Variants in TRIM2 observed in about 807,000 individuals in gnomAD.
TRIM2 encodes the protein tripartite motif containing 2.
Under a neutral mutation model 75.2 loss-of-function variants are expected in TRIM2, and 20 were observed. The observed-to-expected ratio is 0.27, with a 90% CI of 0.19 to 0.39. TRIM2 has a LOEUF of 0.39. TRIM2 is among the 10% of genes least tolerant of loss of function. The pLI is 1.00. For synonymous variants in TRIM2, 373 were observed against 388.3 expected (o/e 0.96, Z 0.46); for missense variants, 660 against 990.8 (o/e 0.67, Z 4.48).
chr4:153,250,781 G>A (rs1445797250), intron 1 of TRIM2, among the ~76,000 whole-genome samples: 2 of 152,218 alleles, frequency 1.3e-5, no homozygotes, highest in African/African-American at 4.8e-5. Context: ...AGTCAGGGGT[G>A]CTTGACCTGG....
At chr4:153,207,101 C>T (rs759213586) in intron 1 of TRIM2, among the ~76,000 whole-genome samples, 1 of 152,236 alleles carries the variant, frequency 6.6e-6, no homozygotes, top group South Asian at 2.1e-4. Flanking sequence ...AGAGACAAGA[C>T]CAAATATATA....
At chr4:153,165,202 C>G (rs1017265913) in intron 1 of TRIM2, among the ~76,000 whole-genome samples, 7 of 152,166 alleles carry the variant, frequency 4.6e-5, no homozygotes, top group Admixed American at 2.6e-4. Flanking sequence ...ACATTAGATT[C>G]TCTTTTCCTA....
intron 1 of TRIM2, among the ~76,000 whole-genome samples, chr4:153,256,165 T>C (rs1296579054): frequency 6.6e-6 from 1 of 152,222 alleles, no homozygotes; most frequent in Non-Finnish European, 1.5e-5. Flanking sequence ...ACTTCTAAAA[T>C]AGGGTGTTAA....
At chr4:153,310,968 A>G (rs943058358) in intron 6 of TRIM2, among the ~76,000 whole-genome samples, 2 of 152,204 alleles carry the variant, frequency 1.3e-5, no homozygotes, top group African/African-American at 4.8e-5. Context: ...AGCAGAGGTC[A>G]TGGAACCTCT....
chr4:153,158,642 G>A (rs1451736580), intron 1 of TRIM2, among the ~76,000 whole-genome samples: 1 of 152,096 alleles, frequency 6.6e-6, no homozygotes, highest in East Asian at 1.9e-4. Context: ...ATAAAACAAA[G>A]ACAGTGTCAG....
intron 1 of TRIM2, among the ~76,000 whole-genome samples, chr4:153,175,653 G>T (rs924196294): frequency 1.1e-4 from 16 of 152,198 alleles, no homozygotes; most frequent in Non-Finnish European, 1.8e-4. Context: ...TTTTTAATTT[G>T]GAGTTTTCTC....
intron 6 of TRIM2, among the ~76,000 whole-genome samples, chr4:153,312,349 A>G (rs148836132): frequency 0.017 from 2,626 of 152,128 alleles, 53 homozygotes; most frequent in East Asian, 0.074. Context: ...ATTCTTTGCT[A>G]TTGTGAATAA....
chr4:153,259,795 A>G (rs1251466202), intron 1 of TRIM2, among the ~76,000 whole-genome samples: 1 of 152,196 alleles, frequency 6.6e-6, no homozygotes, highest in Non-Finnish European at 1.5e-5. Context: ...AATTTAACGG[A>G]TTAGATTTCC....
At position 153,294,482 on chromosome 4, in the gene TRIM2, C is replaced by G. The variant is rs1437365051; in HGVS notation, c.783C>G (p.His261Gln). Residue 261 changes from histidine (H) to glutamine (Q), a missense_variant, in exon 5 of 12, where the codon CAC (histidine) becomes CAG (glutamine). His to Gln is a conservative substitution (Grantham distance 24, BLOSUM62 0). Transcript: ENST00000338700. ...TGGAGGTCAACTATGGCCTCAAACACAAAGTAAGACCAGAATCATTACAGA... is the reference window on the plus strand; with the variant it reads ...TGGAGGTCAACTATGGCCTCAAACAGAAAGTAAGACCAGAATCATTACAGA... ...MELEVNYGLK[H>Q]KVLQSQLDTL... The G allele has an allele frequency of 6.2e-7, 1 of 1,613,164 alleles. No homozygotes were observed. The highest frequency in any genetic ancestry group is 1.3e-5 in the African/African-American group (1 of 74,880).
At chr4:153,191,347 G>A (rs192791428) in intron 1 of TRIM2, among the ~76,000 whole-genome samples, 2 of 152,354 alleles carry the variant, frequency 1.3e-5, no homozygotes, top group Admixed American at 1.3e-4. Context: ...GATTAATCAT[G>A]AGCAAGATCA....
At chr4:153,166,218 A>C (rs1730289502) in intron 1 of TRIM2, among the ~76,000 whole-genome samples, 1 of 151,650 alleles carries the variant, frequency 6.6e-6, no homozygotes, top group African/African-American at 2.4e-5. Context: ...TACCCCTTGT[A>C]TTGTTTCTTT....
intron 1 of TRIM2, chr4:153,265,815 A>C (rs1272819911): frequency 2.0e-5 from 3 of 152,160 alleles, no homozygotes; most frequent in African/African-American, 7.2e-5. Context: ...TACGTCATCA[A>C]TTTATCAGAT....
chr4:153,331,068 C>T (rs1190480871), intron 11 of TRIM2, among the ~76,000 whole-genome samples: 2 of 152,054 alleles, frequency 1.3e-5, no homozygotes, highest in Non-Finnish European at 1.5e-5. Flanking sequence ...ATGCATGTAA[C>T]GCCAGCACTT....
At chr4:153,244,436 T>C (rs555187217) in intron 1 of TRIM2, among the ~76,000 whole-genome samples, 2 of 103,962 alleles carry the variant, frequency 1.9e-5, no homozygotes, top group South Asian at 2.8e-4. Context: ...CTTCTTCTTC[T>C]TTTAATTAGA....
intron 1 of TRIM2, among the ~76,000 whole-genome samples, chr4:153,197,058 G>A (rs1234088398): frequency 1.3e-5 from 2 of 152,240 alleles, no homozygotes; most frequent in Non-Finnish European, 2.9e-5. Flanking sequence ...AAAGACAGAA[G>A]TCCACACTGT....
intron 1 of TRIM2, among the ~76,000 whole-genome samples, chr4:153,159,459 C>A (rs1482592614): frequency 6.6e-6 from 1 of 151,810 alleles, no homozygotes; most frequent in Non-Finnish European, 1.5e-5. Context: ...CACTACCACA[C>A]CCGGCTAATT....
intron 6 of TRIM2, chr4:153,309,635 T>TC (rs1765815371): frequency 6.9e-6 from 1 of 145,074 alleles, no homozygotes; most frequent in African/African-American, 2.5e-5. Context: ...ATTAACTTCT[T>TC]TTTTTTTTTT....
At chr4:153,315,742 C>T in intron 7 of TRIM2, 90 bp from the exon 8 acceptor site, 1 of 1,522,002 alleles carries the variant, frequency 6.6e-7, no homozygotes. Flanking sequence ...GTGTTCTGAT[C>T]TCTGTATGTA....
At chr4:153,260,870 T>G (rs1753389461) in intron 1 of TRIM2, among the ~76,000 whole-genome samples, 1 of 152,120 alleles carries the variant, frequency 6.6e-6, no homozygotes, top group African/African-American at 2.4e-5. Context: ...CACTAAAGAT[T>G]GTCCTCTTTT....
Sources: allele counts gnomAD v4.1 joint callset (sites outside exome capture counted in the v4.1 genomes callset), GRCh38; gene constraint gnomAD v4.1.1; transcripts MANE v1.5; gene names NCBI Gene and HGNC (gene_info 2026-07-23, HGNC 2026-07-21).